The following C1GALT1 variants were observed in gnomAD, a reference collection of about 807,000 sequenced individuals.
The protein encoded by C1GALT1 is glycoprotein-N-acetylgalactosamine 3-beta-galactosyltransferase 1.
A neutral mutation model predicts 31.0 loss-of-function variants in C1GALT1; 11 were observed. That is an observed-to-expected ratio of 0.36 (90% CI 0.22 to 0.59). C1GALT1 has a LOEUF of 0.59. Ranked by LOEUF, C1GALT1 falls within the 20% of genes least tolerant of loss-of-function variation. The pLI is 0.79. For synonymous variants in C1GALT1, 175 were observed against 143.6 expected, an observed-to-expected ratio of 1.22 and a Z score of -1.56; for missense variants, 424 against 425.2, an observed-to-expected ratio of 1.00 and a Z score of 0.03.
chr7:7,187,420 C>CTTT (rs11402803), intron 1 of C1GALT1, among the ~76,000 whole-genome samples: 1 of 145,710 alleles, frequency 6.9e-6, no homozygotes, highest in East Asian at 2.0e-4. Flanking sequence ...CAGCTAATTT[C>CTTT]TTTTTTTTTT....
intron 2 of C1GALT1, among the ~76,000 whole-genome samples, chr7:7,160,975 G>T (rs1780327192): frequency 6.6e-6 from 1 of 151,994 alleles, no homozygotes; most frequent in Admixed American, 6.6e-5. Context: ...AACTTAAATA[G>T]AATTTATGCA....
At chr7:7,194,812 T>C (rs1781217899) in intron 1 of C1GALT1, among the ~76,000 whole-genome samples, 1 of 152,166 alleles carries the variant, frequency 6.6e-6, no homozygotes, top group African/African-American at 2.4e-5. Context: ...TCTGGACTTT[T>C]TGTTTGTTGG....
chr7:7,229,196 A>G (rs1782946815), intron 1 of C1GALT1, among the ~76,000 whole-genome samples: 1 of 152,196 alleles, frequency 6.6e-6, no homozygotes, highest in Admixed American at 6.5e-5. Flanking sequence ...CAGCAGTAAA[A>G]TACTGTCTTT....
In C1GALT1 at chr7:7,215,927, A is replaced by C. The variant is rs113605069; in HGVS notation, c.-17-18376A>C. ...GCCTAAGGTCCTGCAATGAGCAGGGAACTTGAAGGTGCCCCAAATAAGGGG... is the reference window on the plus strand; with the variant it reads ...GCCTAAGGTCCTGCAATGAGCAGGGCACTTGAAGGTGCCCCAAATAAGGGG... On this transcript the variant is annotated intron_variant, in intron 1 of 3. Coordinates refer to ENST00000436587, the MANE Select transcript of C1GALT1 (RefSeq NM_020156.5). Among the ~76,000 whole-genome samples, 349 of 152,156 alleles carry C rather than the reference A, an allele frequency of 2.3e-3. 2 individuals are homozygous for C. Among genetic ancestry groups the C allele is most frequent in the African/African-American group, 8.1e-3 (336 of 41,512 alleles).
intron 1 of C1GALT1, among the ~76,000 whole-genome samples, chr7:7,207,210 C>T (rs147216777): frequency 1.3e-5 from 2 of 151,864 alleles, no homozygotes; most frequent in Non-Finnish European, 2.9e-5. Context: ...TTTTTTCTTC[C>T]TGTCTAGATC....
At chr7:7,236,305 C>A (rs1783347220) in intron 2 of C1GALT1, among the ~76,000 whole-genome samples, 1 of 152,048 alleles carries the variant, frequency 6.6e-6, no homozygotes. Flanking sequence ...TTATCAAGTT[C>A]AGCGGTGGAC....
At chr7:7,217,554 T>A (rs1038670587) in intron 1 of C1GALT1, among the ~76,000 whole-genome samples, 3 of 152,236 alleles carry the variant, frequency 2.0e-5, no homozygotes, top group African/African-American at 7.2e-5. Flanking sequence ...GATGGATTAT[T>A]TCATTTTTAT....
At chr7:7,206,894 C>G (rs1781761438) in intron 1 of C1GALT1, among the ~76,000 whole-genome samples, 1 of 152,084 alleles carries the variant, frequency 6.6e-6, no homozygotes, top group Non-Finnish European at 1.5e-5. Context: ...AGGATTTTCT[C>G]TTTGCCTCTT....
At chr7:7,237,694 C>CT (rs1783429961) in intron 2 of C1GALT1, among the ~76,000 whole-genome samples, 1 of 152,156 alleles carries the variant, frequency 6.6e-6, no homozygotes. Context: ...CCTCAGGGTA[C>CT]TTGTAGAAAT....
chr7:7,243,310 G>A (rs1181335447), intron 3 of C1GALT1, among the ~76,000 whole-genome samples: 2 of 152,090 alleles, frequency 1.3e-5, no homozygotes, highest in African/African-American at 4.8e-5. Context: ...AGTTTCACTT[G>A]GTTTCACCAA....
At chr7:7,230,214 C>G (rs1320614686) in intron 1 of C1GALT1, among the ~76,000 whole-genome samples, 2 of 152,048 alleles carry the variant, frequency 1.3e-5, no homozygotes, top group Non-Finnish European at 1.5e-5. Context: ...TAAGTATGTA[C>G]TTAATGGGAT....
In C1GALT1 at chr7:7,192,669, C is replaced by A. The variant is rs181906240; in HGVS notation, c.-18+9849C>A. Among the ~76,000 whole-genome samples the A allele has an allele frequency of 6.8e-3, 1,031 of 152,120 alleles. 8 individuals are homozygous for A. The highest frequency in any genetic ancestry group is 0.023 in the African/African-American group (971 of 41,486). The stretch of plus-strand genomic sequence containing the variant: ...ACTTCTTTTTCTCTGGGTAGATACC[C>A]AGTAGTGGGATTGCTGGGTCAAATG... On this transcript the variant is annotated intron_variant, in intron 1 of 3. Coordinates refer to ENST00000436587, the MANE Select transcript of C1GALT1 (RefSeq NM_020156.5).
At chr7:7,228,458 G>T (rs1782900787) in intron 1 of C1GALT1, among the ~76,000 whole-genome samples, 1 of 152,118 alleles carries the variant, frequency 6.6e-6, no homozygotes. Context: ...TAGTATTTAA[G>T]CCCTCATAAT....
intron 1 of C1GALT1, among the ~76,000 whole-genome samples, chr7:7,222,696 A>T (rs573486998): frequency 6.6e-6 from 1 of 152,324 alleles, no homozygotes; most frequent in South Asian, 2.1e-4. Context: ...CCAAATAATT[A>T]TTGCTATTTT....
At chr7:7,209,963 C>T (rs1781916745) in intron 1 of C1GALT1, among the ~76,000 whole-genome samples, 2 of 152,100 alleles carry the variant, frequency 1.3e-5, no homozygotes, top group South Asian at 4.2e-4. Flanking sequence ...ACACAAGGTG[C>T]TCAGTGGGGG....
At chr7:7,178,103 A>C (rs1410727695), upstream of C1GALT1, 1 of 210,240 alleles carries the variant, frequency 4.8e-6, no homozygotes, top group Non-Finnish European at 1.0e-5. Context: ...GAAATGATCC[A>C]GTTTGAAAAG....
intron 2 of C1GALT1, among the ~76,000 whole-genome samples, chr7:7,159,967 T>C (rs1009053260): frequency 6.6e-6 from 1 of 152,152 alleles, no homozygotes; most frequent in Admixed American, 6.6e-5. Flanking sequence ...TCTCACATCC[T>C]AGGGAGCTTT....
chr7:7,158,638 T>C (rs1398108871), intron 2 of C1GALT1, among the ~76,000 whole-genome samples: 2 of 151,068 alleles, frequency 1.3e-5, no homozygotes, highest in Non-Finnish European at 2.9e-5. Flanking sequence ...TACACATGTA[T>C]CTATTTATAT....
intron 2 of C1GALT1, among the ~76,000 whole-genome samples, chr7:7,170,215 T>C (rs1449177183): frequency 6.6e-6 from 1 of 152,224 alleles, no homozygotes; most frequent in Non-Finnish European, 1.5e-5. Flanking sequence ...GTCAATTTGA[T>C]TACTTTTTTT....
Sources: allele counts gnomAD v4.1 joint callset (sites outside exome capture counted in the v4.1 genomes callset), GRCh38; gene constraint gnomAD v4.1.1; transcripts MANE v1.5; gene names NCBI Gene and HGNC (gene_info 2026-07-23, HGNC 2026-07-21).